The following ASIC2 variants were observed in gnomAD, a reference collection of about 807,000 sequenced individuals.
The protein encoded by ASIC2 is acid sensing ion channel subunit 2, also known as acid-sensing ion channel 2.
In ASIC2, 25 loss-of-function variants were observed where a neutral mutation model predicts 57.3. The observed-to-expected ratio is 0.44, with a 90% CI of 0.32 to 0.61. The LOEUF (loss-of-function observed/expected upper bound fraction) is 0.61, where lower values mean the gene tolerates loss of function less well. Among genes scored for constraint, ASIC2 ranks in the 20% least tolerant of loss-of-function variants. ASIC2 has a pLI of 0.06. For synonymous variants in ASIC2, 319 were observed against 307.5 expected, an observed-to-expected ratio of 1.04 and a Z score of -0.39; for missense variants, 641 against 738.1, an observed-to-expected ratio of 0.87 and a Z score of 1.52.
At chr17:33,971,191 G>T (rs1478707552) in intron 1 of ASIC2, among the ~76,000 whole-genome samples, 2 of 152,144 alleles carry the variant, frequency 1.3e-5, no homozygotes, top group East Asian at 3.9e-4. Flanking sequence ...CAAAGACAGT[G>T]GGGCTCCAAG....
At chr17:33,098,982 T>A (rs1032007262) in intron 2 of ASIC2, among the ~76,000 whole-genome samples, 27 of 149,654 alleles carry the variant, frequency 1.8e-4, no homozygotes, top group East Asian at 3.9e-4. Flanking sequence ...ACAAAAAATA[T>A]ATATATAAAA....
intron 1 of ASIC2, among the ~76,000 whole-genome samples, chr17:33,737,951 CA>C (rs541427932): frequency 1.3e-5 from 2 of 151,582 alleles, no homozygotes; most frequent in African/African-American, 4.8e-5. Flanking sequence ...ACTTGGTAAA[CA>C]AAAAAATAAA....
chr17:33,583,725 C>T (rs1470357600), intron 1 of ASIC2, among the ~76,000 whole-genome samples: 3 of 152,158 alleles, frequency 2.0e-5, no homozygotes, highest in Non-Finnish European at 2.9e-5. Flanking sequence ...TTTCATAGCC[C>T]ATAGCACCGA....
chr17:34,001,356 G>A (rs1906333697), intron 1 of ASIC2: 1 of 152,712 alleles, frequency 6.5e-6, no homozygotes, highest in Non-Finnish European at 1.5e-5. Context: ...GTGTGGGCCT[G>A]GAGTTTGGGT....
chr17:33,874,862 T>G (rs1009719675), intron 1 of ASIC2, among the ~76,000 whole-genome samples: 1 of 152,202 alleles, frequency 6.6e-6, no homozygotes, highest in African/African-American at 2.4e-5. Flanking sequence ...TTTCTAACCA[T>G]GTGGCTGGCT....
chr17:33,823,253 C>A (rs1258289440), intron 1 of ASIC2, among the ~76,000 whole-genome samples: 1 of 152,216 alleles, frequency 6.6e-6, no homozygotes. Context: ...GAACCCAAGC[C>A]TTCTGGTTCC....
intron 1 of ASIC2, among the ~76,000 whole-genome samples, chr17:34,010,778 C>A (rs1906688765): frequency 6.6e-6 from 1 of 151,892 alleles, no homozygotes; most frequent in African/African-American, 2.4e-5. Flanking sequence ...CACACAGACA[C>A]ACCCACCCAC....
intron 1 of ASIC2, among the ~76,000 whole-genome samples, chr17:34,012,640 C>A (rs1281100536): frequency 1.3e-5 from 2 of 152,132 alleles, no homozygotes; most frequent in African/African-American, 4.8e-5. Flanking sequence ...TCAGTATAAC[C>A]CTCATGCGGC....
intron 1 of ASIC2, among the ~76,000 whole-genome samples, chr17:33,215,978 C>T (rs542817612): frequency 7.9e-5 from 12 of 152,160 alleles, no homozygotes; most frequent in African/African-American, 2.9e-4. Context: ...GGATTACAGG[C>T]GTCAGCCACC....
intron 1 of ASIC2, among the ~76,000 whole-genome samples, chr17:33,717,814 T>C (rs1256240196): frequency 1.3e-5 from 2 of 152,148 alleles, no homozygotes; most frequent in African/African-American, 4.8e-5. Context: ...AGGGATGGCG[T>C]GAGAGTTAAA....
At chr17:33,223,227 G>A (rs939191629) in intron 1 of ASIC2, among the ~76,000 whole-genome samples, 10 of 151,084 alleles carry the variant, frequency 6.6e-5, no homozygotes, top group Non-Finnish European at 1.2e-4. Flanking sequence ...TCTGTCACTA[G>A]GCTGGAGTAC....
intron 1 of ASIC2, among the ~76,000 whole-genome samples, chr17:33,799,368 TTC>T (rs1912018744): frequency 8.1e-6 from 1 of 123,650 alleles, no homozygotes; most frequent in Non-Finnish European, 1.7e-5. Flanking sequence ...CTTTCTTTCT[TTC>T]TTTCTTCCTT....
chr17:34,117,289 T>A (rs1300035248), intron 1 of ASIC2, among the ~76,000 whole-genome samples: 1 of 152,192 alleles, frequency 6.6e-6, no homozygotes, highest in African/African-American at 2.4e-5. Context: ...CAGCCCAGTT[T>A]GTGTGACCCA....
intron 1 of ASIC2, among the ~76,000 whole-genome samples, chr17:33,424,214 A>G (rs17782405): frequency 0.095 from 14,481 of 152,230 alleles, 791 homozygotes; most frequent in Non-Finnish European, 0.13. Context: ...CCCAAGGGTT[A>G]TACGTTTCCC....
At chr17:33,477,697 A>G (rs1913274811) in intron 1 of ASIC2, among the ~76,000 whole-genome samples, 1 of 152,028 alleles carries the variant, frequency 6.6e-6, no homozygotes, top group African/African-American at 2.4e-5. Context: ...CAAGCACCTC[A>G]CTCTTGAATA....
chr17:33,381,836 C>T (rs1909500051), intron 1 of ASIC2, among the ~76,000 whole-genome samples: 1 of 152,198 alleles, frequency 6.6e-6, no homozygotes, highest in Non-Finnish European at 1.5e-5. Context: ...ATAAAATTCT[C>T]TGAATCTTGG....
intron 1 of ASIC2, among the ~76,000 whole-genome samples, chr17:34,032,005 C>G (rs887407721): frequency 1.1e-4 from 17 of 152,084 alleles, no homozygotes; most frequent in Non-Finnish European, 1.9e-4. Flanking sequence ...TCAGGAAATA[C>G]AGAGAATGCC....
At chr17:33,176,775 C>G (rs1905774268) in intron 1 of ASIC2, among the ~76,000 whole-genome samples, 1 of 152,308 alleles carries the variant, frequency 6.6e-6, no homozygotes, top group East Asian at 1.9e-4. Flanking sequence ...GGACACACAG[C>G]CCAAACTATC....
intron 3 of ASIC2, among the ~76,000 whole-genome samples, chr17:33,040,943 A>C (rs563406184): frequency 6.6e-6 from 1 of 152,282 alleles, no homozygotes; most frequent in South Asian, 2.1e-4. Flanking sequence ...CAACCTAATC[A>C]TATAAAGACT....
Sources: allele counts gnomAD v4.1 joint callset (sites outside exome capture counted in the v4.1 genomes callset), GRCh38; gene constraint gnomAD v4.1.1; transcripts MANE v1.5; gene names NCBI Gene and HGNC (gene_info 2026-07-23, HGNC 2026-07-21).